CCPG1: variants seen among roughly 807,000 people sequenced by gnomAD.
The protein encoded by CCPG1 is cell cycle progression protein 1.
In CCPG1, 46 loss-of-function variants were observed where a neutral mutation model predicts 81.3. That is an observed-to-expected ratio of 0.57 (90% CI 0.45 to 0.72). The LOEUF is 0.72. CCPG1 is among the 30% of genes least tolerant of loss of function. The probability of loss-of-function intolerance (pLI) is 0.00; values close to 1 mark genes in which losing one functional copy is unlikely to be tolerated. For synonymous variants in CCPG1, 330 were observed against 305.2 expected, an observed-to-expected ratio of 1.08 and a Z score of -0.85; for missense variants, 902 against 937.6, an observed-to-expected ratio of 0.96 and a Z score of 0.50.
At chr15:55,398,582 T>C (rs1172827265) in intron 1 of CCPG1, among the ~76,000 whole-genome samples, 1 of 151,874 alleles carries the variant, frequency 6.6e-6, no homozygotes, top group Non-Finnish European at 1.5e-5. Context: ...TCCCAACTAA[T>C]GAAAACTTTT....
chr15:55,361,831 C>T (rs1189655521), intron 7 of CCPG1, among the ~76,000 whole-genome samples: 2 of 152,100 alleles, frequency 1.3e-5, no homozygotes, highest in East Asian at 1.9e-4. Context: ...CTATTTGAAA[C>T]ATTTTAGTCC....
intron 1 of CCPG1, among the ~76,000 whole-genome samples, chr15:55,404,804 G>T (rs1202706057): frequency 2.0e-5 from 3 of 152,148 alleles, no homozygotes; most frequent in African/African-American, 7.2e-5. Context: ...AGGTGCGGTG[G>T]CTCACGCCTG....
At position 55,359,930 on chromosome 15, in the gene CCPG1, C is replaced by G. The variant is rs1201479457; in HGVS notation, c.1843G>C (p.Gly615Arg). ...KNTNSKKCSP[G>R]HDCRENSHSF... ...TGAGAATTTTCTCTACAATCATGCC[C>G]AGGACTGCATTTCTTTGAATTTGTA... The change falls in exon 8 of 9, where the codon GGG (glycine) becomes CGG (arginine). Residue 615 changes from glycine (G) to arginine (R), a missense_variant. By Grantham distance (125) the Gly-to-Arg change is moderately radical (BLOSUM62 -2). This residue lies in a region of CCPG1 where 746 missense variants were observed against 728.6 expected (regional missense o/e 1.02). Transcript: ENST00000442196. 6.2e-7 allele frequency: 1 copy of G among 1,613,630 alleles called. No individual in the cohort carries two copies. Among genetic ancestry groups the G allele is most frequent in the Admixed American group, 1.7e-5 (1 of 59,996 alleles).
At chr15:55,397,159 AGCCGAGATGGC>A (rs1419267183) in intron 1 of CCPG1, among the ~76,000 whole-genome samples, 3 of 151,978 alleles carry the variant, frequency 2.0e-5, no homozygotes, top group Admixed American at 6.6e-5. Context: ...GCTTGCAGTG[AGCCGAGATGGC>A]GCCACTGCAC....
intron 8 of CCPG1, chr15:55,357,863 AAAT>A (rs1169258515): frequency 2.6e-5 from 4 of 152,074 alleles, no homozygotes; most frequent in Non-Finnish European, 4.4e-5. Context: ...AATTAAAAAA[AAAT>A]AATTCATAAG....
At chr15:55,402,393 A>G (rs1234402138) in intron 1 of CCPG1, among the ~76,000 whole-genome samples, 1 of 151,998 alleles carries the variant, frequency 6.6e-6, no homozygotes, top group Admixed American at 6.6e-5. Flanking sequence ...AAGTCAGGCT[A>G]ATTTTTGTAT....
At chr15:55,375,612 T>C (rs2056549222) in intron 5 of CCPG1, among the ~76,000 whole-genome samples, 1 of 152,268 alleles carries the variant, frequency 6.6e-6, no homozygotes, top group East Asian at 1.9e-4. Flanking sequence ...TGTTTTCACG[T>C]TCATGTTTAT....
intron 5 of CCPG1, among the ~76,000 whole-genome samples, chr15:55,374,639 T>G (rs529294842): frequency 1.3e-5 from 2 of 152,340 alleles, no homozygotes; most frequent in Admixed American, 1.3e-4. Context: ...ACCATCTTTT[T>G]TATTTTTTTG....
intron 6 of CCPG1, among the ~76,000 whole-genome samples, chr15:55,368,188 C>T (rs1018627194): frequency 2.0e-5 from 3 of 152,134 alleles, no homozygotes; most frequent in East Asian, 1.9e-4. Flanking sequence ...CATCCTGGAA[C>T]CCATCCCTCA....
chr15:55,374,345 C>T (rs898962729), intron 5 of CCPG1: 3 of 592,394 alleles, frequency 5.1e-6, no homozygotes, highest in East Asian at 6.8e-5. Context: ...TATCACTTAA[C>T]ATTGTTATCC....
chr15:55,400,755 G>A (rs951379367), intron 1 of CCPG1, among the ~76,000 whole-genome samples: 26 of 152,088 alleles, frequency 1.7e-4, no homozygotes, highest in Non-Finnish European at 3.4e-4. Context: ...GCACTTCCAG[G>A]AAGACTTCAG....
chr15:55,373,184 A>T, intron 5 of CCPG1: 15 of 399,584 alleles, frequency 3.8e-5, no homozygotes, highest in South Asian at 2.8e-4. Context: ...CCAAATGCAT[A>T]ATTTCTTAAC....
chr15:55,407,047 C>T (rs1401294332), intron 1 of CCPG1, among the ~76,000 whole-genome samples: 1 of 110,994 alleles, frequency 9.0e-6, no homozygotes, highest in Non-Finnish European at 2.0e-5. Flanking sequence ...ACCCCCCCCC[C>T]CGCCCCGCCG....
At chr15:55,406,771 T>C (rs772364758) in intron 1 of CCPG1, among the ~76,000 whole-genome samples, 33 of 152,158 alleles carry the variant, frequency 2.2e-4, no homozygotes, top group Non-Finnish European at 4.0e-4. Flanking sequence ...TGTTCACTTT[T>C]TGTTCCATGG....
At chr15:55,394,760 C>T (rs2056984186) in intron 1 of CCPG1, among the ~76,000 whole-genome samples, 1 of 151,644 alleles carries the variant, frequency 6.6e-6, no homozygotes, top group Admixed American at 6.6e-5. Flanking sequence ...GTTATCTAAG[C>T]TCCTTTCTTA....
At chr15:55,369,183 A>G (rs2056395921) in intron 6 of CCPG1, among the ~76,000 whole-genome samples, 1 of 151,978 alleles carries the variant, frequency 6.6e-6, no homozygotes, top group South Asian at 2.1e-4. Flanking sequence ...TGAATAGAAA[A>G]TTCAAAACGG....
intron 5 of CCPG1, chr15:55,374,014 G>C: frequency 2.9e-6 from 1 of 339,332 alleles, no homozygotes; most frequent in South Asian, 2.7e-5. Context: ...AATAAGCTTG[G>C]CCAGCTCCTT....
Position 55,355,279 on chromosome 15 carries a change from C to G in CCPG1, c.*941G>C, listed in dbSNP as rs369915830. 18 of 1,596,568 alleles carry G rather than the reference C, an allele frequency of 1.1e-5. No homozygotes were observed. The East Asian group carries it at 2.7e-4, about 24-fold the overall frequency. ...CTTTATTTACTTAAACATTTATTTG[C>G]TTCTAGGAAATAAGCGCTTTCCTAA... On this transcript the variant is annotated 3_prime_UTR_variant, in exon 9 of 9. Coordinates refer to ENST00000442196, the MANE Select transcript of CCPG1 (RefSeq NM_001204450.2).
chr15:55,407,318 T>A (rs1385257367), intron 1 of CCPG1, among the ~76,000 whole-genome samples: 3 of 152,066 alleles, frequency 2.0e-5, no homozygotes, highest in African/African-American at 7.2e-5. Flanking sequence ...AAGTAAACCA[T>A]TCACACTGGA....
Sources: allele counts gnomAD v4.1 joint callset (sites outside exome capture counted in the v4.1 genomes callset), GRCh38; gene constraint gnomAD v4.1.1; regional missense constraint gnomAD v4.1.1; transcripts MANE v1.5; gene names NCBI Gene and HGNC (gene_info 2026-07-23, HGNC 2026-07-21).